MACROD2: variants seen among roughly 807,000 people sequenced by gnomAD.
The protein encoded by MACROD2 is ADP-ribose glycohydrolase MACROD2.
A neutral mutation model predicts 70.4 loss-of-function variants in MACROD2; 36 were observed. The ratio of observed to expected loss-of-function variants is 0.51; its 90% CI spans 0.39 to 0.68. The LOEUF is 0.68. Ranked by LOEUF, MACROD2 falls within the 30% of genes least tolerant of loss-of-function variation. The probability of loss-of-function intolerance (pLI) is 0.00; values close to 1 mark genes in which losing one functional copy is unlikely to be tolerated. For synonymous variants in MACROD2, 172 were observed against 178.8 expected, an observed-to-expected ratio of 0.96 and a Z score of 0.30; for missense variants, 496 against 538.4, an observed-to-expected ratio of 0.92 and a Z score of 0.78.
At chr20:14,228,856 A>C (rs530769595) in intron 3 of MACROD2, among the ~76,000 whole-genome samples, 1 of 151,850 alleles carries the variant, frequency 6.6e-6, no homozygotes, top group Admixed American at 6.6e-5. Flanking sequence ...AAATAACAAA[A>C]ATTAGCTGGG....
Position 14,326,521 on chromosome 20 carries a change from A to T in MACROD2, c.272-166958A>T. ...TGGGGCTTGGCACATGAGCCCACGCACGTTGACCTTCACAGGTAGTGATTG... is the reference window on the plus strand; with the variant it reads ...TGGGGCTTGGCACATGAGCCCACGCTCGTTGACCTTCACAGGTAGTGATTG... On this transcript the variant is annotated intron_variant, in intron 3 of 17. Transcript: ENST00000684519. This position sits in a 1 kb window ranked among gnomAD's most constrained non-coding sequence, Gnocchi z 5.5. 1 of 1,613,898 alleles carries T rather than the reference A, an allele frequency of 6.2e-7. No homozygotes were observed. Among genetic ancestry groups the T allele is most frequent in the Non-Finnish European group, 8.5e-7 (1 of 1,179,864 alleles).
intron 10 of MACROD2, among the ~76,000 whole-genome samples, chr20:15,896,932 C>A (rs546188449): frequency 3.2e-4 from 49 of 152,212 alleles, no homozygotes; most frequent in Non-Finnish European, 6.2e-4. Context: ...AAGGCATAGA[C>A]AGAATTGTTT....
At chr20:14,015,693 A>G (rs1247702181) in intron 2 of MACROD2, among the ~76,000 whole-genome samples, 1 of 152,204 alleles carries the variant, frequency 6.6e-6, no homozygotes, top group Non-Finnish European at 1.5e-5. Context: ...TAAATTTGCC[A>G]GTTGTAGATA....
At chr20:14,976,463 G>T (rs2074740490) in intron 5 of MACROD2, among the ~76,000 whole-genome samples, 1 of 152,076 alleles carries the variant, frequency 6.6e-6, no homozygotes. Context: ...TGGGTCCCTT[G>T]TACAAGGACC....
intron 6 of MACROD2, among the ~76,000 whole-genome samples, chr20:15,356,854 C>G (rs1316979688): frequency 6.6e-6 from 1 of 152,124 alleles, no homozygotes; most frequent in Non-Finnish European, 1.5e-5. Context: ...TGTCCTGTAG[C>G]CAAATACTGT....
At chr20:14,309,525 G>A (rs2082548187) in intron 3 of MACROD2, among the ~76,000 whole-genome samples, 2 of 152,106 alleles carry the variant, frequency 1.3e-5, no homozygotes, top group South Asian at 4.1e-4. Context: ...GTTCCCTCGG[G>A]TGATATTCTA....
chr20:14,810,771 A>G (rs1005158338), intron 5 of MACROD2, among the ~76,000 whole-genome samples: 1 of 152,144 alleles, frequency 6.6e-6, no homozygotes, highest in Non-Finnish European at 1.5e-5. Context: ...TGAAAAAATC[A>G]CAGGCATTCC....
chr20:15,269,225 G>T (rs1164609118), intron 6 of MACROD2, among the ~76,000 whole-genome samples: 1 of 152,228 alleles, frequency 6.6e-6, no homozygotes, highest in East Asian at 1.9e-4. Flanking sequence ...GGCTTCCCAT[G>T]ACCCTTCCTC....
At chr20:15,870,900 T>C (rs2064570765) in intron 9 of MACROD2, among the ~76,000 whole-genome samples, 1 of 152,128 alleles carries the variant, frequency 6.6e-6, no homozygotes, top group Admixed American at 6.5e-5. Context: ...AAAAATTGGC[T>C]GGTCACAGTG....
chr20:14,928,572 A>C (rs1336126415), intron 5 of MACROD2, among the ~76,000 whole-genome samples: 1 of 152,178 alleles, frequency 6.6e-6, no homozygotes, highest in Non-Finnish European at 1.5e-5. Flanking sequence ...ATCAATGCTG[A>C]GATTGAAACT....
At chr20:15,140,843 A>G (rs1445520824) in intron 5 of MACROD2, among the ~76,000 whole-genome samples, 1 of 152,178 alleles carries the variant, frequency 6.6e-6, no homozygotes, top group Non-Finnish European at 1.5e-5. Flanking sequence ...AACTGCCCTC[A>G]TTAATCATAA....
At chr20:14,177,252 A>G (rs1338553895) in intron 3 of MACROD2, among the ~76,000 whole-genome samples, 1 of 151,500 alleles carries the variant, frequency 6.6e-6, no homozygotes, top group East Asian at 1.9e-4. Context: ...ACTACAAGTG[A>G]TGGCTAGCCC....
At chr20:15,455,996 C>T (rs1227582133) in intron 7 of MACROD2, among the ~76,000 whole-genome samples, 1 of 152,076 alleles carries the variant, frequency 6.6e-6, no homozygotes, top group African/African-American at 2.4e-5. Context: ...CTCTGTTGAC[C>T]TCATCAAGTT....
intron 8 of MACROD2, among the ~76,000 whole-genome samples, chr20:15,733,390 A>G (rs2050973993): frequency 6.6e-6 from 1 of 151,896 alleles, no homozygotes; most frequent in Non-Finnish European, 1.5e-5. Context: ...TTTCCAGGTT[A>G]TTTCAGATTT....
chr20:15,895,666 C>T (rs1171698872), intron 10 of MACROD2, among the ~76,000 whole-genome samples: 2 of 152,172 alleles, frequency 1.3e-5, no homozygotes, highest in Non-Finnish European at 2.9e-5. Context: ...GCAGGAGGAC[C>T]ACAGCCGCTT....
At chr20:14,471,526 A>T (rs1042212718) in intron 3 of MACROD2, among the ~76,000 whole-genome samples, 6 of 152,264 alleles carry the variant, frequency 3.9e-5, no homozygotes, top group African/African-American at 1.4e-4. Flanking sequence ...TAACATTTAG[A>T]ATGATGTCTC....
chr20:15,206,648 A>G (rs1409661800), intron 5 of MACROD2, among the ~76,000 whole-genome samples: 1 of 150,680 alleles, frequency 6.6e-6, no homozygotes, highest in Non-Finnish European at 1.5e-5. Context: ...TCTTTTCTTA[A>G]TGTAAATGGA....
chr20:15,518,547 C>T (rs767566694), intron 8 of MACROD2, among the ~76,000 whole-genome samples: 3 of 151,932 alleles, frequency 2.0e-5, no homozygotes, highest in Non-Finnish European at 4.4e-5. Flanking sequence ...TTTTGCTTTC[C>T]CTTCAACCTC....
intron 5 of MACROD2, among the ~76,000 whole-genome samples, chr20:14,709,389 A>G (rs1294020787): frequency 6.6e-6 from 1 of 152,142 alleles, no homozygotes; most frequent in African/African-American, 2.4e-5. Flanking sequence ...GCACACACAT[A>G]TACAAACACA....
Sources: gnomAD v4.1 joint callset for allele counts (sites outside exome capture counted in the v4.1 genomes callset) on GRCh38, gnomAD v4.1.1 for gene constraint, Gnocchi (gnomAD v3.1) non-coding constraint, MANE v1.5 for transcripts, NCBI Gene and HGNC (gene_info 2026-07-23, HGNC 2026-07-21) for gene names.